ST3GAL5: variants seen among roughly 807,000 people sequenced by gnomAD.
The protein encoded by ST3GAL5 is lactosylceramide alpha-2,3-sialyltransferase.
In ST3GAL5, 25 loss-of-function variants were observed where a neutral mutation model predicts 46.1. The observed-to-expected ratio is 0.54, with a 90% confidence interval of 0.40 to 0.76. The LOEUF is 0.76. ST3GAL5 is among the 30% of genes least tolerant of loss of function. ST3GAL5 has a pLI of 0.00. For missense variants in ST3GAL5, 431 were observed against 521.2 expected, an observed-to-expected ratio of 0.83 and a Z score of 1.69; for synonymous variants, 182 against 192.7, an observed-to-expected ratio of 0.94 and a Z score of 0.46.
chr2:85,881,182 C>T (rs1247217637), intron 1 of ST3GAL5, among the ~76,000 whole-genome samples: 2 of 152,154 alleles, frequency 1.3e-5, no homozygotes, highest in Non-Finnish European at 2.9e-5. Context: ...GCCTTTTGCC[C>T]TCTACCATGA....
In ST3GAL5 at chr2:85,863,630, T is replaced by C. The variant is rs116736101; in HGVS notation, c.83-145A>G. The C allele has an allele frequency of 1.4e-3, 1,239 of 877,936 alleles. 13 individuals carry two copies. In the African/African-American group the frequency reaches 0.017, roughly 12 times the overall value. 54.4% of individuals were successfully genotyped at this position (877,936 alleles called of 1,614,324 possible). Reference sequence around the variant, plus strand: ...TAAAGAAGAATGAACTGTTGTTACATGCAACAAAGTGGGTGAATCTAGAGG... The same window carrying C: ...TAAAGAAGAATGAACTGTTGTTACACGCAACAAAGTGGGTGAATCTAGAGG... On this transcript the variant is annotated intron_variant, in intron 1 of 6. Transcript: ENST00000638572.
chr2:85,863,289 A>G (rs1202227513), intron 2 of ST3GAL5, 73 bp downstream of exon 2: 31 of 1,610,282 alleles, frequency 1.9e-5, no homozygotes, highest in Non-Finnish European at 2.6e-5. Flanking sequence ...GAGGGCTCTC[A>G]CTGAATTTTT....
At chr2:85,879,125 A>G (rs1292790837) in intron 1 of ST3GAL5, among the ~76,000 whole-genome samples, 1 of 152,168 alleles carries the variant, frequency 6.6e-6, no homozygotes, top group Non-Finnish European at 1.5e-5. Context: ...TCATACTGGC[A>G]TGAAAGAGGC....
At chr2:85,851,152 T>C (rs1375134404) in intron 3 of ST3GAL5, 2 of 668,348 alleles carry the variant, frequency 3.0e-6, no homozygotes, top group African/African-American at 1.9e-5. Flanking sequence ...CCTGACCTAG[T>C]GATCCACCTG....
At chr2:85,847,654 C>T (rs928647810) in intron 4 of ST3GAL5, 1 of 1,312,484 alleles carries the variant, frequency 7.6e-7, no homozygotes, top group Non-Finnish European at 9.9e-7. Flanking sequence ...AAAAATTAGC[C>T]ACGCGTGGTG....
At position 85,861,210 on chromosome 2, in the gene ST3GAL5, T is replaced by A; in HGVS notation, c.289A>T (p.Met97Leu). 6.2e-7 allele frequency: 1 copy of A among 1,611,104 alleles called. No homozygotes were observed. The highest frequency in any genetic ancestry group is 8.5e-7 in the Non-Finnish European group (1 of 1,177,628). The change falls in exon 3 of 7, where the codon ATG becomes TTG. Residue 97 changes from methionine (M) to leucine (L), a missense_variant. Coordinates refer to ENST00000638572, the MANE Select transcript of ST3GAL5 (RefSeq NM_003896.4). ...YTTEECDMKKMHYVDPDHVKR... is the reference protein window; with the variant it reads ...YTTEECDMKKLHYVDPDHVKR... ...ACATGGTCAGGGTCCACATAATGCA[T>A]TTTTTTCATGTCACATTCTTCAGTA...
chr2:85,846,801 C>T lies in ST3GAL5; in HGVS notation c.663-238G>A, dbSNP rs1388965596. The T allele has an allele frequency of 5.8e-6, 3 of 514,998 alleles. No individual in the cohort carries two copies. In the Admixed American group the frequency reaches 1.0e-4, roughly 17 times the overall value. 31.9% of individuals were successfully genotyped at this position (514,998 alleles called of 1,614,324 possible). A position where few individuals can be genotyped will look rare whatever the true frequency, so the allele number is the denominator to read the frequency against. On this transcript the variant is annotated intron_variant, in intron 4 of 6. Transcript: ENST00000638572. ...TGAATGTCAAGCAATTTCATCTAGC[C>T]CTAATATTTTTACTCAATCTAAGCA...
chr2:85,864,763 C>G (rs1445747143), intron 1 of ST3GAL5, among the ~76,000 whole-genome samples: 1 of 152,168 alleles, frequency 6.6e-6, no homozygotes, highest in Non-Finnish European at 1.5e-5. Context: ...TCGCTTTCCC[C>G]TAACTCAACT....
rs957111336 is a variant in ST3GAL5 at position 85,838,519 on chromosome 2, C to A, written c.*1625G>T. 2.6e-5 allele frequency: 4 copies of A among 152,162 alleles called. No homozygotes were observed. Among genetic ancestry groups the A allele is most frequent in the South Asian group, 2.1e-4 (1 of 4,828 alleles). 9.4% of individuals were successfully genotyped at this position (152,162 alleles called of 1,614,324 possible). A position where few individuals can be genotyped will look rare whatever the true frequency, so the allele number is the denominator to read the frequency against. On this transcript the variant is annotated 3_prime_UTR_variant, in exon 7 of 7. Transcript: ENST00000638572. Reference sequence around the variant, plus strand: ...ATGGGTGATAATCTTAAAACATTTTCTCTTAAACAAGCAGTAGCTTATAGA... The same window carrying A: ...ATGGGTGATAATCTTAAAACATTTTATCTTAAACAAGCAGTAGCTTATAGA...
At chr2:85,843,789 A>G (rs1254726504) in intron 6 of ST3GAL5, among the ~76,000 whole-genome samples, 1 of 152,224 alleles carries the variant, frequency 6.6e-6, no homozygotes, top group Non-Finnish European at 1.5e-5. Context: ...ACTGCAATAA[A>G]CAGCCTAGAG....
At chr2:85,883,957 C>G (rs1687479245) in intron 1 of ST3GAL5, among the ~76,000 whole-genome samples, 1 of 152,112 alleles carries the variant, frequency 6.6e-6, no homozygotes, top group African/African-American at 2.4e-5. Context: ...TCTCAGGCCC[C>G]TAAGATCACC....
chr2:85,861,106 T>C, intron 3 of ST3GAL5, 75 bp downstream of exon 3: 1 of 1,021,244 alleles, frequency 9.8e-7, no homozygotes, highest in Non-Finnish European at 1.5e-6. Context: ...TGTCACACAG[T>C]AGACTAATGA....
intron 1 of ST3GAL5, among the ~76,000 whole-genome samples, chr2:85,868,303 CTT>C (rs1685504828): frequency 6.6e-6 from 1 of 152,136 alleles, no homozygotes; most frequent in Non-Finnish European, 1.5e-5. Flanking sequence ...AGCAATTATA[CTT>C]TTGCTTTTTG....
intron 3 of ST3GAL5, chr2:85,852,844 G>A: frequency 7.7e-7 from 1 of 1,296,882 alleles, no homozygotes. Context: ...CTAGGTCGAG[G>A]CTTCAGTTTT....
intron 1 of ST3GAL5, among the ~76,000 whole-genome samples, chr2:85,873,326 C>T (rs1486204881): frequency 6.6e-6 from 1 of 152,008 alleles, no homozygotes; most frequent in Non-Finnish European, 1.5e-5. Context: ...ACTCCCTCAG[C>T]AAATCAGGAG....
intron 1 of ST3GAL5, chr2:85,869,963 CAT>C: frequency 2.9e-6 from 1 of 341,622 alleles, no homozygotes; most frequent in Non-Finnish European, 5.8e-6. Flanking sequence ...CACACGCACA[CAT>C]AGCCTCCGTT....
intron 6 of ST3GAL5, among the ~76,000 whole-genome samples, chr2:85,840,667 C>T (rs532487182): frequency 1.3e-5 from 2 of 152,080 alleles, no homozygotes; most frequent in South Asian, 4.1e-4. Flanking sequence ...CCTTCTAGGC[C>T]AGGTGCGGTG....
intron 6 of ST3GAL5, among the ~76,000 whole-genome samples, chr2:85,840,895 G>A (rs1470059940): frequency 3.3e-5 from 4 of 120,934 alleles, no homozygotes; most frequent in Non-Finnish European, 6.4e-5. Flanking sequence ...AGTGAGCCGA[G>A]ATCGAGCCAC....
intron 3 of ST3GAL5, chr2:85,851,676 C>T (rs1389905901): frequency 1.6e-6 from 2 of 1,289,318 alleles, no homozygotes; most frequent in African/African-American, 3.0e-5. Context: ...AAGAAAGTGC[C>T]TCAAGGCGAG....
Sources: allele counts gnomAD v4.1 joint callset (sites outside exome capture counted in the v4.1 genomes callset), GRCh38; gene constraint gnomAD v4.1.1; transcripts MANE v1.5; gene names NCBI Gene and HGNC (gene_info 2026-07-23, HGNC 2026-07-21).